The following PLA2G2D variants were observed in gnomAD, a reference collection of about 807,000 sequenced individuals.
PLA2G2D encodes group IID secretory phospholipase A2.
A neutral mutation model predicts 13.9 loss-of-function variants in PLA2G2D; 17 were observed. The observed-to-expected ratio is 1.23, with a 90% CI of 0.84 to 1.84. PLA2G2D has a LOEUF of 1.84. Ranked by LOEUF, PLA2G2D falls within the 40% of genes most tolerant of loss-of-function variation. The pLI, the probability that PLA2G2D is intolerant of heterozygous loss-of-function variation, is 0.00. For synonymous variants in PLA2G2D, 83 were observed against 69.3 expected (o/e 1.20, Z -0.98); for missense variants, 194 against 178.7 (o/e 1.09, Z -0.49).
At chr1:20,114,321 T>A in intron 3 of PLA2G2D, 62 bp from the exon 4 acceptor site, 3 of 1,521,200 alleles carry the variant, frequency 2.0e-6, no homozygotes, top group South Asian at 2.4e-5. Flanking sequence ...CAGGTATGAG[T>A]CTAGCAGCCT....
Position 20,114,001 on chromosome 1 carries a change from G to T in PLA2G2D, c.*113C>A. 1 of 926,484 alleles carries T rather than the reference G, an allele frequency of 1.1e-6. No homozygotes were observed. Among genetic ancestry groups the T allele is most frequent in the Non-Finnish European group, 1.6e-6 (1 of 606,102 alleles). 57.4% of individuals were successfully genotyped at this position (926,484 alleles called of 1,614,324 possible). On this transcript the variant is annotated 3_prime_UTR_variant, in exon 4 of 4. Transcript: ENST00000375105. ...GGCATTGGTAGAGGGTTCCGGGGGAGGCTGGGACTACCTCCCCCCGGAGTG... is the reference window on the plus strand; with the variant it reads ...GGCATTGGTAGAGGGTTCCGGGGGATGCTGGGACTACCTCCCCCCGGAGTG...
Position 20,112,208 on chromosome 1 carries a change from C to T in PLA2G2D, c.*1906G>A, listed in dbSNP as rs34934263. ...TCTTGAACTCCTGACCCCAGGTGAT[C>T]TGCCTGCCTCAGCCACCCTAAGTGT... On this transcript the variant is annotated 3_prime_UTR_variant, in exon 4 of 4. Coordinates refer to ENST00000375105, the MANE Select transcript of PLA2G2D (RefSeq NM_012400.4). 0.29 allele frequency: 43,856 copies of T among 151,874 alleles called. 6,477 individuals carry two copies. The highest frequency in any genetic ancestry group is 0.33 in the Middle Eastern group (96 of 294). 9.4% of individuals were successfully genotyped at this position (151,874 alleles called of 1,614,324 possible). A position where few individuals can be genotyped will look rare whatever the true frequency, so the allele number is the denominator to read the frequency against.
chr1:20,115,556 G>A lies in PLA2G2D; in HGVS notation c.243C>T (p.Ile81=). 2 of 1,612,992 alleles carry A rather than the reference G, an allele frequency of 1.2e-6. No homozygotes were observed. The highest frequency in any genetic ancestry group is 1.1e-5 in the South Asian group (1 of 91,054). ...AGTTGTATCTGTAATAGTCCTTGTA[G>A]ATGCTGCACCCCTGGGTCTTCAGGT... ...YDHLKTQGCS[I]YKDYYRYNFS... Residue 81 remains isoleucine, a synonymous_variant, in exon 3 of 4, where the codon ATC becomes ATT. Transcript: ENST00000375105.
intron 3 of PLA2G2D, among the ~76,000 whole-genome samples, chr1:20,114,826 G>T (rs1204614440): frequency 6.6e-6 from 1 of 152,196 alleles, no homozygotes; most frequent in Non-Finnish European, 1.5e-5. Flanking sequence ...AAGGCACTTA[G>T]CCTATAGTAA....
intron 3 of PLA2G2D, 22 bp from the exon 4 acceptor site, chr1:20,114,281 CTA>C: frequency 6.2e-7 from 1 of 1,608,154 alleles, no homozygotes; most frequent in Non-Finnish European, 8.5e-7. Context: ...GAAGGGGGAG[CTA>C]TGTGTTTGTC....
intron 1 of PLA2G2D, 59 bp downstream of exon 1, chr1:20,119,400 A>T (rs1384312977): frequency 7.1e-7 from 1 of 1,413,854 alleles, no homozygotes; most frequent in Non-Finnish European, 1.0e-6. Flanking sequence ...GAAAGAGAGC[A>T]CAGGGGTACA....
At position 20,118,858 on chromosome 1, in the gene PLA2G2D, C is replaced by T. The variant is rs74886445; in HGVS notation, c.40+601G>A. On this transcript the variant is annotated intron_variant, in intron 1 of 3. Coordinates refer to ENST00000375105, the MANE Select transcript of PLA2G2D (RefSeq NM_012400.4). Reference sequence around the variant, plus strand: ...TTTGCTGTAATCCTGGAGACATGTTCCTCTAGAGAATTTCAGAGTCCCAAG... The same window carrying T: ...TTTGCTGTAATCCTGGAGACATGTTTCTCTAGAGAATTTCAGAGTCCCAAG... Among the ~76,000 whole-genome samples, 565 of 152,214 alleles carry T rather than the reference C, an allele frequency of 3.7e-3. 2 individuals are homozygous for T. The highest frequency in any genetic ancestry group is 0.013 in the African/African-American group (531 of 41,518).
In PLA2G2D at chr1:20,115,202, T is replaced by C. The variant is rs585776; in HGVS notation, c.292+305A>G. 3.9e-3 allele frequency among the ~76,000 whole-genome samples: 599 copies of C among 152,344 alleles called. 6 individuals are homozygous for C. Among genetic ancestry groups the C allele is most frequent in the African/African-American group, 0.014 (564 of 41,586 alleles). ...GAGGCCCATTCTGTCTGTCTCATTT[T>C]AGCTCTTGCAATAACTTAATGGGGT... On this transcript the variant is annotated intron_variant, in intron 3 of 3. Coordinates refer to ENST00000375105, the MANE Select transcript of PLA2G2D (RefSeq NM_012400.4).
At chr1:20,115,786 T>C (rs1299970189) in intron 2 of PLA2G2D, among the ~76,000 whole-genome samples, 173 bp from the exon 3 acceptor site, 1 of 152,236 alleles carries the variant, frequency 6.6e-6, no homozygotes, top group East Asian at 1.9e-4. Flanking sequence ...TCCTATGCAC[T>C]AGACACTTGC....
At chr1:20,117,087 C>A (rs1388016417) in intron 1 of PLA2G2D, among the ~76,000 whole-genome samples, 1 of 152,118 alleles carries the variant, frequency 6.6e-6, no homozygotes, top group Non-Finnish European at 1.5e-5. Context: ...GGAATAATTC[C>A]AGATGTACAA....
chr1:20,118,645 G>A (rs1238341107), intron 1 of PLA2G2D, among the ~76,000 whole-genome samples: 1 of 152,150 alleles, frequency 6.6e-6, no homozygotes, highest in East Asian at 1.9e-4. Context: ...CCTGTGAAGG[G>A]GGTTGTACCC....
rs1194156210 is a variant in PLA2G2D at position 20,115,503 on chromosome 1, T to C, written c.292+4A>G. 5 of 1,534,710 alleles carry C rather than the reference T, an allele frequency of 3.3e-6. No homozygotes were observed. The highest frequency in any genetic ancestry group is 3.6e-6 in the Non-Finnish European group (4 of 1,108,566). On this transcript the variant is annotated splice_donor_region_variant and intron_variant, in intron 3 of 3. Transcript: ENST00000375105. ...AGCTCCTGCCCTGAGGTCTGCGTAC[T>C]CACAGCAGTGGATGTTCCCCTGGGA...
intron 1 of PLA2G2D, among the ~76,000 whole-genome samples, chr1:20,117,286 C>G (rs1004812416): frequency 1.3e-5 from 2 of 152,034 alleles, no homozygotes; most frequent in Non-Finnish European, 1.5e-5. Flanking sequence ...GTAAATGGAG[C>G]CAGAATTCAT....
At chr1:20,117,115 A>G (rs531718968) in intron 1 of PLA2G2D, among the ~76,000 whole-genome samples, 2 of 152,348 alleles carry the variant, frequency 1.3e-5, no homozygotes, top group Middle Eastern at 3.4e-3. Flanking sequence ...GCAAAGATAG[A>G]AAGCTCCTGT....
chr1:20,114,341 G>A, intron 3 of PLA2G2D, 82 bp from the exon 4 acceptor site: 1 of 1,421,588 alleles, frequency 7.0e-7, no homozygotes, highest in Non-Finnish European at 9.7e-7. Flanking sequence ...TCTGAAGTCA[G>A]TGCAGTTCCT....
intron 3 of PLA2G2D, 80 bp downstream of exon 3, chr1:20,115,427 T>C (rs189837483): frequency 2.4e-6 from 2 of 838,074 alleles, no homozygotes; most frequent in Non-Finnish European, 4.2e-6. Context: ...AGAGGTCAAG[T>C]AGCTGTGCTG....
At position 20,116,373 on chromosome 1, in the gene PLA2G2D, C is replaced by A. The variant is rs145752858; in HGVS notation, c.145G>T (p.Gly49Ter). Residue 49 changes from glycine to a stop codon, truncating the protein, a stop_gained, in exon 2 of 4, where the codon GGA (glycine) becomes TGA (stop). Coordinates refer to ENST00000375105, the MANE Select transcript of PLA2G2D (RefSeq NM_012400.4). LOFTEE classifies it high-confidence loss of function. Reference protein sequence around the residue: ...LSYWPYGCHCGLGGRGQPKDA... With the variant: ...LSYWPYGCHC ...TTGGGTTGGCCTCTGCCACCTAGTCCGCAGTGACAGCCGTAGGGCCAGTAG... is the reference window on the plus strand; with the variant it reads ...TTGGGTTGGCCTCTGCCACCTAGTCAGCAGTGACAGCCGTAGGGCCAGTAG... 15 of 1,614,070 alleles carry A rather than the reference C, an allele frequency of 9.3e-6. No homozygotes were observed. The highest frequency in any genetic ancestry group is 1.3e-5 in the Non-Finnish European group (15 of 1,180,014).
Position 20,114,141 on chromosome 1 carries a change from G to T in PLA2G2D, c.411C>A (p.His137Gln), listed in dbSNP as rs1367927324. The T allele has an allele frequency of 6.2e-7, 1 of 1,613,716 alleles. No homozygotes were observed. Among genetic ancestry groups the T allele is most frequent in the Non-Finnish European group, 8.5e-7 (1 of 1,179,962 alleles). The change falls in exon 4 of 4, where the codon CAC (histidine) becomes CAA (glutamine). Residue 137 changes from histidine (H) to glutamine (Q), a missense_variant. His to Gln is a conservative substitution (Grantham distance 24). Coordinates refer to ENST00000375105, the MANE Select transcript of PLA2G2D (RefSeq NM_012400.4). ...QKRLRFYWRP[H>Q]CRGQTPGC is the part of the protein sequence containing the mutation. ...AGCACCCAGGGGTCTGCCCCCGGCA[G>T]TGGGGCCGCCAGTAGAAACGCAGTC...
chr1:20,114,087 G>GA lies in PLA2G2D; in HGVS notation c.*26dup. 1 of 1,603,036 alleles carries GA rather than the reference G, an allele frequency of 6.2e-7. No individual in the cohort carries two copies. The highest frequency in any genetic ancestry group is 1.7e-5 in the Admixed American group (1 of 58,898). ...GGTGGGGATGCCAGAGCTCCATGCT[G>GA]AGGAACAGGGTAGAGGGTGTGGGCT... is the stretch of plus-strand genomic sequence containing the variant. On this transcript the variant is annotated 3_prime_UTR_variant, in exon 4 of 4. Coordinates refer to ENST00000375105, the MANE Select transcript of PLA2G2D (RefSeq NM_012400.4).
Sources: allele counts gnomAD v4.1 joint callset (sites outside exome capture counted in the v4.1 genomes callset), GRCh38; gene constraint gnomAD v4.1.1; transcripts MANE v1.5; gene names NCBI Gene and HGNC (gene_info 2026-07-23, HGNC 2026-07-21).